Variants in RSPO3 observed in about 807,000 individuals in gnomAD.
RSPO3 encodes R-spondin-3.
RSPO3 carries 17 observed loss-of-function variants against 36.5 expected under a neutral mutation model. The observed-to-expected ratio is 0.47, with a 90% CI of 0.32 to 0.70. The LOEUF (loss-of-function observed/expected upper bound fraction) is 0.70, where lower values mean the gene tolerates loss of function less well. Among genes scored for constraint, RSPO3 ranks in the 30% least tolerant of loss-of-function variants. RSPO3 has a pLI of 0.04. For synonymous variants in RSPO3, 108 were observed against 107.0 expected, an observed-to-expected ratio of 1.01 and a Z score of -0.06; for missense variants, 294 against 322.5, an observed-to-expected ratio of 0.91 and a Z score of 0.68.
chr6:127,178,018 C>T (rs960531350), intron 4 of RSPO3, among the ~76,000 whole-genome samples: 1 of 151,506 alleles, frequency 6.6e-6, no homozygotes, highest in African/African-American at 2.4e-5. Flanking sequence ...ATGAAATGAG[C>T]CTGGTATTCA....
intron 1 of RSPO3, among the ~76,000 whole-genome samples, chr6:127,121,821 C>T (rs1562238202): frequency 6.6e-6 from 1 of 152,168 alleles, no homozygotes; most frequent in African/African-American, 2.4e-5. Flanking sequence ...AAAATGAAAA[C>T]ATGTGGTCAA....
At chr6:127,120,564 GA>G (rs1305473741) in intron 1 of RSPO3, among the ~76,000 whole-genome samples, 4 of 152,232 alleles carry the variant, frequency 2.6e-5, no homozygotes, top group Non-Finnish European at 4.4e-5. Context: ...CAGCGCGGAG[GA>G]CACAACACCG....
At chr6:127,190,175 G>A (rs1775379430) in intron 4 of RSPO3, among the ~76,000 whole-genome samples, 1 of 152,080 alleles carries the variant, frequency 6.6e-6, no homozygotes, top group Non-Finnish European at 1.5e-5. Context: ...TGTAATCCCA[G>A]CACTTTGGGA....
chr6:127,183,936 G>A (rs1400165771), intron 4 of RSPO3, among the ~76,000 whole-genome samples: 1 of 151,960 alleles, frequency 6.6e-6, no homozygotes, highest in Non-Finnish European at 1.5e-5. Context: ...TTACAATCAT[G>A]ATGGAAAGGG....
intron 4 of RSPO3, among the ~76,000 whole-genome samples, chr6:127,191,033 CTCTT>C (rs1775399585): frequency 6.6e-6 from 1 of 152,110 alleles, no homozygotes; most frequent in South Asian, 2.1e-4. Context: ...CAGGATCACT[CTCTT>C]TGTCATTTTT....
intron 3 of RSPO3, among the ~76,000 whole-genome samples, chr6:127,153,062 A>C (rs1382308571): frequency 6.6e-6 from 1 of 152,134 alleles, no homozygotes; most frequent in East Asian, 1.9e-4. Context: ...TCCCTTTTAC[A>C]GCATCTTGCA....
chr6:127,181,361 A>G (rs1341852126), intron 4 of RSPO3, among the ~76,000 whole-genome samples: 5 of 151,962 alleles, frequency 3.3e-5, no homozygotes, highest in African/African-American at 4.8e-5. Context: ...ATATTATCAT[A>G]CATAGATAAT....
chr6:127,127,908 C>T (rs1773970173), intron 1 of RSPO3, among the ~76,000 whole-genome samples: 1 of 152,094 alleles, frequency 6.6e-6, no homozygotes, highest in South Asian at 2.1e-4. Flanking sequence ...TCCTCTACAT[C>T]GCTTTCTTTT....
chr6:127,175,820 A>C (rs926770321), intron 4 of RSPO3, among the ~76,000 whole-genome samples: 3 of 151,766 alleles, frequency 2.0e-5, no homozygotes, highest in African/African-American at 4.8e-5. Flanking sequence ...ATTCTTAAAG[A>C]CTGGATTATT....
At chr6:127,133,629 G>A (rs1774098276) in intron 1 of RSPO3, among the ~76,000 whole-genome samples, 1 of 150,152 alleles carries the variant, frequency 6.7e-6, no homozygotes, top group Non-Finnish European at 1.5e-5. Flanking sequence ...CCGTCCAAAT[G>A]TCTAGAATGC....
At chr6:127,148,986 C>T (rs1369936736) in intron 2 of RSPO3, 147 bp downstream of exon 2, 1 of 658,660 alleles carries the variant, frequency 1.5e-6, no homozygotes, top group Admixed American at 3.4e-5. Flanking sequence ...TGGACTTAAC[C>T]CTCAGAACCA....
At chr6:127,191,875 A>C (rs1775415773) in intron 4 of RSPO3, among the ~76,000 whole-genome samples, 1 of 152,194 alleles carries the variant, frequency 6.6e-6, no homozygotes, top group African/African-American at 2.4e-5. Context: ...CCAACATGGC[A>C]ATTGAAGCCC....
intron 4 of RSPO3, among the ~76,000 whole-genome samples, chr6:127,162,347 CTT>C (rs1333212467): frequency 1.3e-5 from 2 of 152,112 alleles, no homozygotes; most frequent in Non-Finnish European, 2.9e-5. Context: ...AGGTCTTTCT[CTT>C]GTTTGTAGTT....
intron 1 of RSPO3, among the ~76,000 whole-genome samples, chr6:127,120,491 T>C (rs922725243): frequency 2.6e-5 from 4 of 152,180 alleles, no homozygotes; most frequent in African/African-American, 9.7e-5. Context: ...CCCCACCTGG[T>C]TTCCCAAGGG....
intron 1 of RSPO3, among the ~76,000 whole-genome samples, chr6:127,146,952 A>G (rs977280856): frequency 6.6e-6 from 1 of 152,128 alleles, no homozygotes; most frequent in Non-Finnish European, 1.5e-5. Context: ...GGCATGAAAA[A>G]TGACCCTGTT....
At chr6:127,141,580 T>C (rs1456215824) in intron 1 of RSPO3, among the ~76,000 whole-genome samples, 1 of 152,168 alleles carries the variant, frequency 6.6e-6, no homozygotes, top group Non-Finnish European at 1.5e-5. Flanking sequence ...AAAAACAGTA[T>C]GTTTCCCCAC....
Position 127,196,051 on chromosome 6 carries a change from A to C in RSPO3, c.*44A>C. On this transcript the variant is annotated 3_prime_UTR_variant, in exon 5 of 5. Transcript: ENST00000356698. The stretch of plus-strand genomic sequence containing the variant: ...TGTAGACTCATGATGCTGCTATCTC[A>C]ACCAGATGCCCAGGACAGGTGCTCT... The C allele has an allele frequency of 4.7e-6, 7 of 1,500,244 alleles. No individual in the cohort carries two copies. Among genetic ancestry groups the C allele is most frequent in the Non-Finnish European group, 6.3e-6 (7 of 1,112,916 alleles). 92.9% of individuals were successfully genotyped at this position (1,500,244 alleles called of 1,614,324 possible).
intron 4 of RSPO3, among the ~76,000 whole-genome samples, chr6:127,175,989 G>A (rs557892323): frequency 6.6e-6 from 1 of 151,828 alleles, no homozygotes; most frequent in South Asian, 2.1e-4. Flanking sequence ...AAAACACTTA[G>A]AAAGTGAACA....
At chr6:127,165,854 G>T in intron 4 of RSPO3, among the ~76,000 whole-genome samples, 1 of 151,758 alleles carries the variant, frequency 6.6e-6, no homozygotes, top group Non-Finnish European at 1.5e-5. Context: ...TCTTTGTTTG[G>T]CTTACACAAA....
Sources: allele counts gnomAD v4.1 joint callset (sites outside exome capture counted in the v4.1 genomes callset), GRCh38; gene constraint gnomAD v4.1.1; transcripts MANE v1.5; gene names NCBI Gene and HGNC (gene_info 2026-07-23, HGNC 2026-07-21).